ZNRF1: variants seen among roughly 807,000 people sequenced by gnomAD.
The protein encoded by ZNRF1 is E3 ubiquitin-protein ligase ZNRF1.
In ZNRF1, 3 loss-of-function variants were observed where a neutral mutation model predicts 18.4. The ratio of observed to expected loss-of-function variants is 0.16; its 90% CI spans 0.07 to 0.42. The LOEUF is 0.42. Among genes scored for constraint, ZNRF1 ranks in the 10% least tolerant of loss-of-function variants. ZNRF1 has a pLI of 0.99. For synonymous variants in ZNRF1, 157 were observed against 144.2 expected, an observed-to-expected ratio of 1.09 and a Z score of -0.64; for missense variants, 310 against 329.8, an observed-to-expected ratio of 0.94 and a Z score of 0.47.
chr16:75,059,252 T>TC (rs1471900547), intron 1 of ZNRF1, among the ~76,000 whole-genome samples: 81 of 137,770 alleles, frequency 5.9e-4, no homozygotes, highest in African/African-American at 1.9e-3. Flanking sequence ...TTTCTTTTTT[T>TC]TTTTTTTTTT....
chr16:75,100,840 C>T (rs1462016358), intron 2 of ZNRF1, among the ~76,000 whole-genome samples: 4 of 152,206 alleles, frequency 2.6e-5, no homozygotes, highest in East Asian at 1.9e-4. Context: ...GTCTGCATGA[C>T]GACTCTGCCC....
chr16:75,061,117 G>A lies in ZNRF1; in HGVS notation c.425-32455G>A, dbSNP rs1252314326. Among the ~76,000 whole-genome samples the A allele has an allele frequency of 2.0e-5, 3 of 152,112 alleles. 1 individual carries two copies. Among genetic ancestry groups the A allele is most frequent in the Non-Finnish European group, 4.4e-5 (3 of 68,026 alleles). On this transcript the variant is annotated intron_variant, in intron 1 of 4. Transcript: ENST00000335325. The stretch of plus-strand genomic sequence containing the variant: ...AATAATAAGCAGGTCATGAAGAATG[G>A]GGTATCCATCCCCTCAAGCATTTAT...
chr16:75,069,187 G>A (rs1179700387), intron 1 of ZNRF1, among the ~76,000 whole-genome samples: 5 of 151,926 alleles, frequency 3.3e-5, no homozygotes, highest in African/African-American at 9.7e-5. Flanking sequence ...AAAAAAAAAA[G>A]GAAGGCAAGA....
At chr16:75,052,903 C>T (rs144896607) in intron 1 of ZNRF1, among the ~76,000 whole-genome samples, 1 of 152,204 alleles carries the variant, frequency 6.6e-6, no homozygotes, top group Non-Finnish European at 1.5e-5. Context: ...CACAAACTTA[C>T]AGAGTTAAAG....
Position 74,999,895 on chromosome 16 carries a change from C to T in ZNRF1, c.224C>T (p.Ala75Val), listed in dbSNP as rs1459468493. ...GGVPFGLYTP[A>V]SRGTGDSERA... is the part of the protein sequence containing the mutation. ...GTGCCCTTTGGCCTCTACACCCCCG[C>T]CTCCCGGGGCACCGGCGACTCCGAG... Residue 75 changes from alanine (A) to valine (V), a missense_variant, in exon 1 of 5, where the codon GCC becomes GTC. Physicochemically the swap from Ala to Val is moderately conservative, Grantham distance 64. Transcript: ENST00000335325. 4 of 1,541,870 alleles carry T rather than the reference C, an allele frequency of 2.6e-6. No homozygotes were observed. In the African/African-American group the frequency reaches 4.1e-5, roughly 16 times the overall value.
intron 1 of ZNRF1, among the ~76,000 whole-genome samples, chr16:75,048,818 A>C (rs2035550615): frequency 6.6e-6 from 1 of 152,220 alleles, no homozygotes; most frequent in Non-Finnish European, 1.5e-5. Context: ...AATGGTGCGC[A>C]GATCTCGTTT....
At chr16:75,096,576 C>T in intron 2 of ZNRF1, among the ~76,000 whole-genome samples, 1 of 152,110 alleles carries the variant, frequency 6.6e-6, no homozygotes, top group East Asian at 1.9e-4. Flanking sequence ...GCGGGGCTTT[C>T]TTAGTGAAGA....
chr16:75,050,387 G>A (rs138675957), intron 1 of ZNRF1, among the ~76,000 whole-genome samples: 56 of 152,062 alleles, frequency 3.7e-4, no homozygotes, highest in Non-Finnish European at 7.4e-4. Context: ...TTAGCTGGGC[G>A]TGGTGGTGCA....
At chr16:75,047,272 A>G (rs570755010) in intron 1 of ZNRF1, among the ~76,000 whole-genome samples, 1 of 152,296 alleles carries the variant, frequency 6.6e-6, no homozygotes, top group South Asian at 2.1e-4. Flanking sequence ...TCCTGGGCTC[A>G]AGCAGTCTTC....
intron 1 of ZNRF1, among the ~76,000 whole-genome samples, chr16:75,058,714 G>A (rs1247586384): frequency 6.6e-6 from 1 of 152,210 alleles, no homozygotes; most frequent in Non-Finnish European, 1.5e-5. Flanking sequence ...GACAGACTAG[G>A]TGGAGGGTAG....
At chr16:75,096,215 G>A (rs753309765) in intron 2 of ZNRF1, among the ~76,000 whole-genome samples, 1 of 152,146 alleles carries the variant, frequency 6.6e-6, no homozygotes, top group Non-Finnish European at 1.5e-5. Flanking sequence ...TCTCAACGTG[G>A]TGAAGTGCTT....
intron 1 of ZNRF1, among the ~76,000 whole-genome samples, chr16:75,016,525 C>A (rs2035071735): frequency 6.6e-6 from 1 of 151,408 alleles, no homozygotes; most frequent in Non-Finnish European, 1.5e-5. Context: ...CAGGCTTGAG[C>A]CACTGCACCC....
chr16:75,085,113 G>C (rs905760811), intron 1 of ZNRF1, among the ~76,000 whole-genome samples: 1 of 151,956 alleles, frequency 6.6e-6, no homozygotes. Context: ...AAACACATAC[G>C]CGTGTGTAAC....
At chr16:75,056,286 C>A (rs1254665842) in intron 1 of ZNRF1, among the ~76,000 whole-genome samples, 1 of 152,216 alleles carries the variant, frequency 6.6e-6, no homozygotes, top group Non-Finnish European at 1.5e-5. Flanking sequence ...ACTGTGTGTT[C>A]ATTCACATTT....
chr16:75,035,868 A>T (rs1394373930), intron 1 of ZNRF1, among the ~76,000 whole-genome samples: 1 of 152,192 alleles, frequency 6.6e-6, no homozygotes, highest in Non-Finnish European at 1.5e-5. Flanking sequence ...GTCATAAACT[A>T]GTTAAACTCT....
intron 1 of ZNRF1, among the ~76,000 whole-genome samples, chr16:75,077,902 C>G (rs893030447): frequency 6.6e-6 from 1 of 152,212 alleles, no homozygotes; most frequent in Non-Finnish European, 1.5e-5. Flanking sequence ...TCTCTCTTTC[C>G]ATAATAAAGA....
At chr16:75,003,933 T>A (rs978429242) in intron 1 of ZNRF1, among the ~76,000 whole-genome samples, 1 of 151,762 alleles carries the variant, frequency 6.6e-6, no homozygotes, top group East Asian at 1.9e-4. Context: ...CACTCTCTTA[T>A]AGTTGTCTGC....
At chr16:75,013,152 A>G (rs2035021265) in intron 1 of ZNRF1, among the ~76,000 whole-genome samples, 1 of 152,248 alleles carries the variant, frequency 6.6e-6, no homozygotes, top group African/African-American at 2.4e-5. Flanking sequence ...GTAGAGGTTC[A>G]ACACTTTCAT....
intron 1 of ZNRF1, among the ~76,000 whole-genome samples, chr16:75,070,230 A>G (rs942517888): frequency 1.3e-5 from 2 of 152,108 alleles, no homozygotes; most frequent in African/African-American, 4.8e-5. Context: ...AGGGACCTTC[A>G]TGTTTGGCAG....
Sources: gnomAD v4.1 joint callset for allele counts (sites outside exome capture counted in the v4.1 genomes callset) on GRCh38, gnomAD v4.1.1 for gene constraint, MANE v1.5 for transcripts, NCBI Gene and HGNC (gene_info 2026-07-23, HGNC 2026-07-21) for gene names.